Variants in CEP70 observed in about 807,000 individuals in gnomAD.
CEP70 encodes the protein centrosomal protein of 70 kDa.
CEP70 carries 70 observed loss-of-function variants against 90.9 expected under a neutral mutation model. The observed-to-expected ratio is 0.77, with a 90% CI of 0.64 to 0.94. The LOEUF (loss-of-function observed/expected upper bound fraction) is 0.94. CEP70 is among the 40% of genes least tolerant of loss of function. The pLI is 0.00. For synonymous variants in CEP70, 220 were observed against 228.3 expected (o/e 0.96, Z 0.33); for missense variants, 648 against 669.0 (o/e 0.97, Z 0.35).
chr3:138,499,419 T>C (rs908086179), intron 16 of CEP70, among the ~76,000 whole-genome samples: 1 of 152,208 alleles, frequency 6.6e-6, no homozygotes, highest in African/African-American at 2.4e-5. Context: ...TGGTCTATGG[T>C]AGTGTCCTAA....
intron 2 of CEP70, among the ~76,000 whole-genome samples, chr3:138,577,052 G>A (rs966112946): frequency 1.4e-5 from 2 of 147,734 alleles, no homozygotes; most frequent in Non-Finnish European, 3.0e-5. Context: ...GTAGGGACAT[G>A]GATAAAGCTG....
rs760642343 is a variant in CEP70 at position 138,535,241 on chromosome 3, CCTTT to C, written c.635+1933_635+1936del. 1.0e-3 allele frequency among the ~76,000 whole-genome samples: 152 copies of C among 152,276 alleles called. 2 individuals carry two copies. Among genetic ancestry groups the C allele is most frequent in the Non-Finnish European group, 6.8e-4 (46 of 68,016 alleles). ...TATCATATTTCTCTAATTGAAACATCCTTTCTCTCACCTCTTCCTATTAATATTC... is the reference window on the plus strand; with the variant it reads ...TATCATATTTCTCTAATTGAAACATCCTCTCACCTCTTCCTATTAATATTC... On this transcript the variant is annotated intron_variant, in intron 7 of 17. Coordinates refer to ENST00000264982, the MANE Select transcript of CEP70 (RefSeq NM_024491.4).
chr3:138,498,138 T>C (rs2034116190), intron 16 of CEP70, 28 bp from the exon 17 acceptor site: 4 of 1,572,872 alleles, frequency 2.5e-6, no homozygotes, highest in Non-Finnish European at 3.5e-6. Flanking sequence ...AATTTAAACC[T>C]GATTTCTAAC....
At chr3:138,547,510 T>G (rs1278151434) in intron 6 of CEP70, among the ~76,000 whole-genome samples, 3 of 152,224 alleles carry the variant, frequency 2.0e-5, no homozygotes, top group East Asian at 3.8e-4. Flanking sequence ...ACATAGAAGA[T>G]TCGTTCTCAC....
intron 16 of CEP70, 44 bp downstream of exon 16, chr3:138,500,066 C>G (rs1299215150): frequency 1.5e-6 from 2 of 1,338,686 alleles, no homozygotes; most frequent in Non-Finnish European, 2.1e-6. Context: ...GCCACCACAC[C>G]CAGCCATTCT....
chr3:138,592,102 T>C (rs1187391447), intron 1 of CEP70, 146 bp from the exon 2 acceptor site: 1 of 501,142 alleles, frequency 2.0e-6, no homozygotes, highest in Non-Finnish European at 3.5e-6. Flanking sequence ...GCTAATGGCC[T>C]TCCCAGCTCA....
chr3:138,551,010 A>G (rs2039573647), intron 6 of CEP70, among the ~76,000 whole-genome samples: 1 of 152,216 alleles, frequency 6.6e-6, no homozygotes, highest in African/African-American at 2.4e-5. Flanking sequence ...CAAATACAAG[A>G]GGCTCAAAGA....
At chr3:138,551,252 T>C (rs2039589354) in intron 6 of CEP70, among the ~76,000 whole-genome samples, 1 of 152,230 alleles carries the variant, frequency 6.6e-6, no homozygotes, top group Admixed American at 6.5e-5. Flanking sequence ...CCAAGAATTT[T>C]GTATCCAGAG....
chr3:138,572,771 C>A (rs942036524), intron 3 of CEP70, 88 bp downstream of exon 3: 5 of 880,576 alleles, frequency 5.7e-6, no homozygotes, highest in Non-Finnish European at 9.5e-6. Context: ...AGAAAGAATC[C>A]TTTTAAAGTC....
intron 10 of CEP70, among the ~76,000 whole-genome samples, chr3:138,526,488 A>C (rs909389979): frequency 3.9e-5 from 6 of 152,152 alleles, no homozygotes; most frequent in African/African-American, 1.4e-4. Context: ...TGAGAACAGG[A>C]AATTTGTTTT....
At position 138,529,544 on chromosome 3, in the gene CEP70, T is replaced by C. The variant is rs1576670507; in HGVS notation, c.693-82A>G. On this transcript the variant is annotated intron_variant, in intron 8 of 17. Transcript: ENST00000264982. Reference sequence around the variant, plus strand: ...TAATTAAACCAATGTAATGAGGGTTTAATAATCTAAACATGAATTAAAATT... The same window carrying C: ...TAATTAAACCAATGTAATGAGGGTTCAATAATCTAAACATGAATTAAAATT... 5.0e-6 allele frequency: 4 copies of C among 799,982 alleles called. No homozygotes were observed. The East Asian group carries it at 7.4e-5, about 15-fold the overall frequency. 49.6% of individuals were successfully genotyped at this position (799,982 alleles called of 1,614,324 possible). A position where few individuals can be genotyped will look rare whatever the true frequency, so the allele number is the denominator to read the frequency against.
chr3:138,520,299 C>G (rs952363589), intron 11 of CEP70, among the ~76,000 whole-genome samples: 1 of 152,062 alleles, frequency 6.6e-6, no homozygotes, highest in East Asian at 1.9e-4. Flanking sequence ...AGAAGGATAT[C>G]CAGGAATTGA....
intron 11 of CEP70, among the ~76,000 whole-genome samples, chr3:138,519,836 T>G (rs1321852904): frequency 6.6e-6 from 1 of 152,108 alleles, no homozygotes; most frequent in African/African-American, 2.4e-5. Flanking sequence ...ATAACAATAT[T>G]AACCTTAAAT....
At chr3:138,507,995 T>C (rs1046009384) in intron 12 of CEP70, among the ~76,000 whole-genome samples, 2 of 152,154 alleles carry the variant, frequency 1.3e-5, no homozygotes, top group Non-Finnish European at 2.9e-5. Flanking sequence ...AAATGATCTA[T>C]AAAACTAGGA....
intron 13 of CEP70, among the ~76,000 whole-genome samples, chr3:138,501,610 T>C (rs2034516692): frequency 6.6e-6 from 1 of 152,220 alleles, no homozygotes; most frequent in South Asian, 2.1e-4. Context: ...TGTTATAACA[T>C]GTATCTCCAG....
At chr3:138,519,270 C>T (rs976820246) in intron 11 of CEP70, among the ~76,000 whole-genome samples, 6 of 152,112 alleles carry the variant, frequency 3.9e-5, no homozygotes, top group Admixed American at 6.5e-5. Flanking sequence ...AGTATATTAT[C>T]CAGGAGAACT....
At position 138,572,887 on chromosome 3, in the gene CEP70, G is replaced by A. The variant is rs1411716390; in HGVS notation, c.41C>T (p.Pro14Leu). ...TTTTTCAGTCATGAGTCTGTCTGAT[G>A]GTTGACTGGAATCCTGGGGTTTAGG... is the stretch of plus-strand genomic sequence containing the variant. The part of the protein sequence containing the change: ...VAPKPQDSSQ[P>L]SDRLMTEKQQ... Residue 14 changes from proline to leucine, a missense_variant, in exon 3 of 18, where the codon CCA becomes CTA. Pro to Leu is a moderately conservative substitution (Grantham distance 98). Transcript: ENST00000264982. 1 of 1,609,082 alleles carries A rather than the reference G, an allele frequency of 6.2e-7. No individual in the cohort carries two copies. The highest frequency in any genetic ancestry group is 8.5e-7 in the Non-Finnish European group (1 of 1,176,202).
Position 138,571,364 on chromosome 3 carries a change from TACAGAA to T in CEP70, c.70-14_70-9del. 6.4e-7 allele frequency: 1 copy of T among 1,568,730 alleles called. No individual in the cohort carries two copies. Among genetic ancestry groups the T allele is most frequent in the Non-Finnish European group, 8.8e-7 (1 of 1,142,374 alleles). ...CCATTCTGCTTCTTCCTGCTACAATTACAGAAAGAGAAGAAAGGGTTAACTTTAGAT... is the reference window on the plus strand; with the variant it reads ...CCATTCTGCTTCTTCCTGCTACAATTAGAGAAGAAAGGGTTAACTTTAGAT... On this transcript the variant is annotated splice_polypyrimidine_tract_variant and intron_variant, in intron 3 of 17. Coordinates refer to ENST00000264982, the MANE Select transcript of CEP70 (RefSeq NM_024491.4).
intron 11 of CEP70, among the ~76,000 whole-genome samples, chr3:138,508,816 C>T (rs1027696592): frequency 1.3e-5 from 2 of 151,866 alleles, no homozygotes; most frequent in Admixed American, 1.3e-4. Context: ...TCACTGCAAG[C>T]TCCGTCTCCC....
Sources: allele counts gnomAD v4.1 joint callset (sites outside exome capture counted in the v4.1 genomes callset), GRCh38; gene constraint gnomAD v4.1.1; transcripts MANE v1.5; gene names NCBI Gene and HGNC (gene_info 2026-07-23, HGNC 2026-07-21).